The following ALK variants were observed in gnomAD, a reference collection of about 807,000 sequenced individuals.
The protein encoded by ALK is ALK receptor tyrosine kinase.
A neutral mutation model predicts 163.1 loss-of-function variants in ALK; 74 were observed. That is an observed-to-expected ratio of 0.45 (90% CI 0.38 to 0.55). The LOEUF (loss-of-function observed/expected upper bound fraction) is 0.55, where lower values mean the gene tolerates loss of function less well. ALK is among the 20% of genes least tolerant of loss of function. The probability of loss-of-function intolerance (pLI) is 0.00; values close to 1 mark genes in which losing one functional copy is unlikely to be tolerated. For missense variants in ALK, 2,063 were observed against 2,105.3 expected (o/e 0.98, Z 0.39); for synonymous variants, 960 against 843.2 (o/e 1.14, Z -2.40).
chr2:29,709,118 T>A (rs1678997260), intron 2 of ALK, among the ~76,000 whole-genome samples: 1 of 152,300 alleles, frequency 6.6e-6, no homozygotes, highest in South Asian at 2.1e-4. Flanking sequence ...GTCCCAAAGC[T>A]GTCAAAAGAG....
chr2:29,516,664 C>A (rs1297075388), intron 4 of ALK, among the ~76,000 whole-genome samples: 1 of 152,200 alleles, frequency 6.6e-6, no homozygotes, highest in East Asian at 1.9e-4. Flanking sequence ...CTGTTCATTA[C>A]TAGCTGTGTG....
intron 1 of ALK, among the ~76,000 whole-genome samples, chr2:29,880,297 G>GA (rs1463198580): frequency 6.6e-6 from 1 of 152,172 alleles, no homozygotes; most frequent in African/African-American, 2.4e-5. Context: ...TGTGAAGTAG[G>GA]AAAAACCAGC....
rs1333989488 is a variant in ALK, at chr2:29,921,488, C to T, written c.-829G>A. 2.2e-5 allele frequency: 5 copies of T among 232,040 alleles called. No homozygotes were observed. In the East Asian group the frequency reaches 3.0e-4, roughly 14 times the overall value. The allele number at this position is 232,040 out of a possible 1,614,324, so 14.4% of individuals were successfully genotyped here. A position where few individuals can be genotyped will look rare whatever the true frequency, so the allele number is the denominator to read the frequency against. On this transcript the variant is annotated 5_prime_UTR_variant, in exon 1 of 29. Coordinates refer to ENST00000389048, the MANE Select transcript of ALK (RefSeq NM_004304.5). ...TTTGGGTGGCCGACCAGAGGGCGGC[C>T]GGAAAGCACCTCGGTGCCCCGCGAC...
intron 3 of ALK, among the ~76,000 whole-genome samples, chr2:29,547,097 G>A (rs896640891): frequency 6.6e-6 from 1 of 152,214 alleles, no homozygotes; most frequent in Non-Finnish European, 1.5e-5. Flanking sequence ...TGAGGTATCT[G>A]CATGGCAAGA....
At chr2:29,751,458 T>C (rs898804984) in intron 1 of ALK, among the ~76,000 whole-genome samples, 6 of 152,162 alleles carry the variant, frequency 3.9e-5, no homozygotes, top group Admixed American at 3.9e-4. Flanking sequence ...ACTAGTTTGA[T>C]TTGGGTTCTG....
At chr2:29,364,343 C>T (rs1351674042) in intron 5 of ALK, among the ~76,000 whole-genome samples, 1 of 152,148 alleles carries the variant, frequency 6.6e-6, no homozygotes, top group Non-Finnish European at 1.5e-5. Context: ...ATGGTGACTT[C>T]TCTGCATCAT....
chr2:29,668,664 C>T (rs1444242547), intron 3 of ALK, among the ~76,000 whole-genome samples: 3 of 152,066 alleles, frequency 2.0e-5, no homozygotes, highest in Non-Finnish European at 4.4e-5. Flanking sequence ...TGTGGCCTAA[C>T]ATATGATCTA....
intron 2 of ALK, among the ~76,000 whole-genome samples, chr2:29,713,554 A>G (rs1394857390): frequency 1.3e-5 from 2 of 152,184 alleles, no homozygotes; most frequent in Non-Finnish European, 2.9e-5. Flanking sequence ...ATTTAGCTAA[A>G]CACCAGGTCA....
intron 5 of ALK, among the ~76,000 whole-genome samples, chr2:29,343,007 C>T (rs1345749473): frequency 4.0e-5 from 6 of 150,610 alleles, no homozygotes. Flanking sequence ...CTCAGCCTCC[C>T]GAGTAGCTGG....
At chr2:29,741,253 C>A (rs1160964739) in intron 1 of ALK, among the ~76,000 whole-genome samples, 2 of 152,128 alleles carry the variant, frequency 1.3e-5, no homozygotes, top group Non-Finnish European at 2.9e-5. Context: ...TGAAACTACT[C>A]TCTATGATAC....
At chr2:29,600,669 G>A (rs1394482996) in intron 3 of ALK, among the ~76,000 whole-genome samples, 3 of 152,184 alleles carry the variant, frequency 2.0e-5, no homozygotes, top group Non-Finnish European at 2.9e-5. Context: ...CATGGTGGGG[G>A]TGGCCCTGAG....
intron 2 of ALK, among the ~76,000 whole-genome samples, chr2:29,705,535 A>G: frequency 6.6e-6 from 1 of 151,270 alleles, no homozygotes; most frequent in Non-Finnish European, 1.5e-5. Flanking sequence ...TTTTATATCA[A>G]CCTCTCAGGG....
intron 1 of ALK, among the ~76,000 whole-genome samples, chr2:29,897,994 G>T (rs1443889606): frequency 1.3e-5 from 2 of 152,212 alleles, no homozygotes; most frequent in Admixed American, 6.5e-5. Context: ...TTATGAGCTT[G>T]AAGTCAGACA....
intron 11 of ALK, among the ~76,000 whole-genome samples, chr2:29,254,598 T>A: frequency 6.6e-6 from 1 of 152,292 alleles, no homozygotes; most frequent in East Asian, 1.9e-4. Flanking sequence ...CTGTGAGACA[T>A]AAGGTAGATT....
At chr2:29,788,787 C>T (rs1311427114) in intron 1 of ALK, among the ~76,000 whole-genome samples, 7 of 152,148 alleles carry the variant, frequency 4.6e-5, no homozygotes, top group Non-Finnish European at 8.8e-5. Context: ...AGCCAAGGGA[C>T]CCATTATAGC....
At chr2:29,543,586 G>C (rs1267916021) in intron 3 of ALK, among the ~76,000 whole-genome samples, 1 of 152,208 alleles carries the variant, frequency 6.6e-6, no homozygotes, top group African/African-American at 2.4e-5. Flanking sequence ...TTGGGAAAAT[G>C]ATATTGAAAA....
intron 4 of ALK, among the ~76,000 whole-genome samples, chr2:29,393,078 G>C (rs567580760): frequency 6.6e-6 from 1 of 152,254 alleles, no homozygotes; most frequent in East Asian, 1.9e-4. Context: ...CAAGGTTACT[G>C]AGTGCTCAAG....
intron 1 of ALK, among the ~76,000 whole-genome samples, chr2:29,894,959 A>G (rs1404614955): frequency 6.6e-6 from 1 of 152,112 alleles, no homozygotes; most frequent in Non-Finnish European, 1.5e-5. Flanking sequence ...ATCAATGGGA[A>G]CCATAAAAAG....
chr2:29,569,095 A>G (rs572476311), intron 3 of ALK, among the ~76,000 whole-genome samples: 1 of 152,200 alleles, frequency 6.6e-6, no homozygotes, highest in African/African-American at 2.4e-5. Context: ...CACATGCCAC[A>G]TTGCCCCACC....
Sources: allele counts gnomAD v4.1 joint callset (sites outside exome capture counted in the v4.1 genomes callset), GRCh38; gene constraint gnomAD v4.1.1; transcripts MANE v1.5; gene names NCBI Gene and HGNC (gene_info 2026-07-23, HGNC 2026-07-21).